ACACA: variants seen among roughly 807,000 people sequenced by gnomAD.
ACACA encodes the protein acetyl-CoA carboxylase 1.
In ACACA, 103 loss-of-function variants were observed where a neutral mutation model predicts 296.1. The ratio of observed to expected loss-of-function variants is 0.35; its 90% CI spans 0.30 to 0.41. The LOEUF (loss-of-function observed/expected upper bound fraction) is 0.41, where lower values mean the gene tolerates loss of function less well. ACACA is among the 10% of genes least tolerant of loss of function. The pLI is 1.00. For missense variants in ACACA, 1,554 were observed against 2,989.7 expected, an observed-to-expected ratio of 0.52 and a Z score of 11.20; for synonymous variants, 953 against 1,038.6, an observed-to-expected ratio of 0.92 and a Z score of 1.58.
intron 52 of ACACA, among the ~76,000 whole-genome samples, chr17:37,099,756 C>T (rs148255840): frequency 6.6e-6 from 1 of 152,072 alleles, no homozygotes; most frequent in African/African-American, 2.4e-5. Context: ...CTCAGAACAC[C>T]CTTGTTAGGG....
At chr17:37,285,863 C>T (rs931383720) in intron 3 of ACACA, among the ~76,000 whole-genome samples, 40 of 152,018 alleles carry the variant, frequency 2.6e-4, no homozygotes, top group African/African-American at 9.4e-4. Flanking sequence ...ATGTATTTTA[C>T]AATTGATGCC....
intron 38 of ACACA, among the ~76,000 whole-genome samples, chr17:37,190,286 G>A (rs567849298): frequency 3.2e-4 from 48 of 152,044 alleles, no homozygotes; most frequent in African/African-American, 9.9e-4. Context: ...AAAATTAGCC[G>A]GGCGTGGTGG....
intron 51 of ACACA, 101 bp from the exon 52 acceptor site, chr17:37,111,744 C>A: frequency 1.1e-6 from 1 of 881,014 alleles, no homozygotes; most frequent in Admixed American, 1.9e-5. Flanking sequence ...CAGGAAATAG[C>A]TTCATTATCA....
intron 45 of ACACA, among the ~76,000 whole-genome samples, chr17:37,142,758 G>A (rs772830699): frequency 3.9e-5 from 6 of 152,164 alleles, no homozygotes; most frequent in Non-Finnish European, 8.8e-5. Flanking sequence ...ACTGAACATC[G>A]TGCCTCTCAC....
At chr17:37,193,720 C>T (rs2077864343) in intron 35 of ACACA, among the ~76,000 whole-genome samples, 1 of 152,094 alleles carries the variant, frequency 6.6e-6, no homozygotes, top group Non-Finnish European at 1.5e-5. Flanking sequence ...CTAGGTATTG[C>T]TCTTGGCACA....
chr17:37,130,841 A>G (rs946964407), intron 45 of ACACA, among the ~76,000 whole-genome samples: 1 of 152,042 alleles, frequency 6.6e-6, no homozygotes, highest in African/African-American at 2.4e-5. Context: ...AGTCTCAGTT[A>G]AAGAAACTCT....
chr17:37,389,636 G>A (rs112577290), intron 1 of ACACA, among the ~76,000 whole-genome samples: 3 of 151,858 alleles, frequency 2.0e-5, no homozygotes, highest in African/African-American at 7.3e-5. Flanking sequence ...GCAGTGAGCC[G>A]AGATTGTGCC....
intron 45 of ACACA, among the ~76,000 whole-genome samples, chr17:37,131,519 G>A (rs995529757): frequency 6.6e-6 from 1 of 151,952 alleles, no homozygotes; most frequent in African/African-American, 2.4e-5. Context: ...AAAAAATAAC[G>A]ACAATACAAA....
intron 43 of ACACA, among the ~76,000 whole-genome samples, chr17:37,152,740 A>G (rs915926268): frequency 3.9e-5 from 6 of 152,200 alleles, no homozygotes; most frequent in Non-Finnish European, 8.8e-5. Context: ...ATGGGCATAT[A>G]TTATTTATTG....
intron 29 of ACACA, 28 bp downstream of exon 29, chr17:37,221,696 T>G (rs368991254): frequency 6.5e-7 from 1 of 1,549,214 alleles, no homozygotes; most frequent in Non-Finnish European, 8.9e-7. Flanking sequence ...TCTGGCTGGC[T>G]CGGGTGCACA....
chr17:37,287,456 G>A (rs2082827719), intron 3 of ACACA, among the ~76,000 whole-genome samples: 1 of 151,914 alleles, frequency 6.6e-6, no homozygotes, highest in South Asian at 2.1e-4. Context: ...ACAAGGCCAG[G>A]CATGGTGGCT....
chr17:37,207,130 T>C (rs1360318212), intron 31 of ACACA, among the ~76,000 whole-genome samples: 1 of 152,188 alleles, frequency 6.6e-6, no homozygotes, highest in Non-Finnish European at 1.5e-5. Flanking sequence ...TAAAGCTTTT[T>C]TGTTTGTTTT....
intron 5 of ACACA, among the ~76,000 whole-genome samples, chr17:37,280,360 C>T (rs2082456240): frequency 6.6e-6 from 1 of 152,120 alleles, no homozygotes. Context: ...CGGCATGCGC[C>T]TCTATGCCCA....
Position 37,097,616 on chromosome 17 carries a change from T to C in ACACA, c.6720+214A>G, listed in dbSNP as rs570012482. Reference sequence around the variant, plus strand: ...CACCAGTAAAATGCAGCTTGCCTCCTGAGGAATTAATGGAAACCTAAATTA... The same window carrying C: ...CACCAGTAAAATGCAGCTTGCCTCCCGAGGAATTAATGGAAACCTAAATTA... On this transcript the variant is annotated intron_variant, in intron 53 of 55. Transcript: ENST00000616317. The surrounding 1 kb of genome is among the most constrained non-coding windows in gnomAD (Gnocchi z 4.8). Among the ~76,000 whole-genome samples, 12 of 152,348 alleles carry C rather than the reference T, an allele frequency of 7.9e-5. No individual in the cohort carries two copies. The highest frequency in any genetic ancestry group is 1.3e-4 in the Admixed American group (2 of 15,300).
intron 3 of ACACA, among the ~76,000 whole-genome samples, chr17:37,323,807 GT>G (rs1168889682): frequency 2.0e-5 from 3 of 152,198 alleles, no homozygotes; most frequent in Non-Finnish European, 4.4e-5. Flanking sequence ...GTTCTATTTG[GT>G]TGATAGCATG....
chr17:37,127,917 T>C (rs1011244050), intron 47 of ACACA, among the ~76,000 whole-genome samples: 103 of 125,308 alleles, frequency 8.2e-4, no homozygotes, highest in African/African-American at 3.1e-3. Context: ...ATCATAATCA[T>C]GGCACAAAAA....
chr17:37,250,660 G>A (rs1034691911), intron 16 of ACACA, among the ~76,000 whole-genome samples: 11 of 150,900 alleles, frequency 7.3e-5, no homozygotes, highest in South Asian at 6.3e-4. Context: ...AAGATTAAAC[G>A]CGAAAAAATT....
intron 1 of ACACA, among the ~76,000 whole-genome samples, chr17:37,397,507 C>T (rs745439276): frequency 1.3e-5 from 2 of 152,116 alleles, no homozygotes; most frequent in Non-Finnish European, 2.9e-5. Flanking sequence ...ATCAAAGTTG[C>T]TATCAGTTAC....
At chr17:37,196,706 T>TGAAACTAA in intron 35 of ACACA, among the ~76,000 whole-genome samples, 1 of 151,984 alleles carries the variant, frequency 6.6e-6, no homozygotes, top group Non-Finnish European at 1.5e-5. Flanking sequence ...AAAATGTGAG[T>TGAAACTAA]GAAACTAAGA....
Sources: gnomAD v4.1 joint callset for allele counts (sites outside exome capture counted in the v4.1 genomes callset) on GRCh38, gnomAD v4.1.1 for gene constraint, Gnocchi (gnomAD v3.1) non-coding constraint, MANE v1.5 for transcripts, NCBI Gene and HGNC (gene_info 2026-07-23, HGNC 2026-07-21) for gene names.